Variants in FAM149B1 observed in about 807,000 individuals in gnomAD.
The protein encoded by FAM149B1 is family with sequence similarity 149 member B1, also known as primary cilium assembly protein FAM149B1.
FAM149B1 carries 56 observed loss-of-function variants against 75.3 expected under a neutral mutation model. That is an observed-to-expected ratio of 0.74 (90% confidence interval 0.60 to 0.93). The LOEUF is 0.93. FAM149B1 is among the 40% of genes least tolerant of loss of function. The pLI is 0.00. For missense variants in FAM149B1, 639 were observed against 708.4 expected, an observed-to-expected ratio of 0.90 and a Z score of 1.11; for synonymous variants, 259 against 256.1, an observed-to-expected ratio of 1.01 and a Z score of -0.11.
chr10:73,168,238 GC>G lies in FAM149B1; in HGVS notation c.-100del. The G allele has an allele frequency of 1.3e-5, 17 of 1,321,832 alleles. No individual in the cohort carries two copies. The highest frequency in any genetic ancestry group is 1.1e-4 in the South Asian group (8 of 70,668). The allele number at this position is 1,321,832 out of a possible 1,614,324, so 81.9% of individuals were successfully genotyped here. ...ACGGGGCCGGTAGGTGGCGGGAGGG[GC>G]CGGGCCGGAGCCGGCGGGAGGGCCA... On this transcript the variant is annotated 5_prime_UTR_variant, in exon 1 of 14. Transcript: ENST00000242505.
chr10:73,177,745 G>GTGTACACATATAT, intron 2 of FAM149B1, 101 bp from the exon 3 acceptor site: 3 of 1,015,900 alleles, frequency 3.0e-6, no homozygotes, highest in African/African-American at 2.2e-5. Context: ...TTGTACACAT[G>GTGTACACATATAT]TTAATCACCT....
At position 73,168,332 on chromosome 10, in the gene FAM149B1, G is replaced by C; in HGVS notation, c.-8G>C. The C allele has an allele frequency of 6.5e-7, 1 of 1,549,552 alleles. No homozygotes were observed. The highest frequency in any genetic ancestry group is 8.7e-7 in the Non-Finnish European group (1 of 1,146,742). ...CTGAGGAGGAGGAGGAGGAGGAGGA[G>C]GAGGAGGATGATCTCCAGATACACT... On this transcript the variant is annotated 5_prime_UTR_variant, in exon 1 of 14. Transcript: ENST00000242505.
intron 7 of FAM149B1, among the ~76,000 whole-genome samples, chr10:73,220,205 T>C (rs975122595): frequency 6.6e-6 from 1 of 152,094 alleles, no homozygotes; most frequent in Non-Finnish European, 1.5e-5. Context: ...TACCACCTCA[T>C]GCCCACTAGG....
At chr10:73,180,876 A>T (rs2042379170) in intron 3 of FAM149B1, among the ~76,000 whole-genome samples, 1 of 151,830 alleles carries the variant, frequency 6.6e-6, no homozygotes, top group South Asian at 2.1e-4. Flanking sequence ...TTTTGTACCC[A>T]ATAACCACCC....
chr10:73,171,109 A>T (rs186318955), intron 1 of FAM149B1, among the ~76,000 whole-genome samples: 14 of 152,216 alleles, frequency 9.2e-5, no homozygotes, highest in Admixed American at 7.9e-4. Flanking sequence ...ACAGGACTAC[A>T]TGCCCAGCTA....
intron 12 of FAM149B1, among the ~76,000 whole-genome samples, chr10:73,237,493 T>C (rs1264889325): frequency 6.6e-6 from 1 of 152,012 alleles, no homozygotes; most frequent in African/African-American, 2.4e-5. Flanking sequence ...CTCAGCTCAC[T>C]GCAGCCTCCA....
intron 3 of FAM149B1, among the ~76,000 whole-genome samples, chr10:73,180,763 A>G (rs986376146): frequency 6.6e-6 from 1 of 152,148 alleles, no homozygotes; most frequent in Non-Finnish European, 1.5e-5. Context: ...AAACAATCCA[A>G]TTACACTCTT....
At chr10:73,210,218 T>G (rs1178995500) in intron 6 of FAM149B1, 33 bp from the exon 7 acceptor site, 1 of 1,470,156 alleles carries the variant, frequency 6.8e-7, no homozygotes, top group African/African-American at 1.4e-5. Context: ...CCCTTCAGCA[T>G]CATGAAGTCT....
intron 2 of FAM149B1, among the ~76,000 whole-genome samples, chr10:73,176,525 G>A (rs1488999402): frequency 6.6e-6 from 1 of 152,226 alleles, no homozygotes; most frequent in South Asian, 2.1e-4. Flanking sequence ...GAACAGGGAA[G>A]ATGGTTCTTC....
intron 2 of FAM149B1, among the ~76,000 whole-genome samples, chr10:73,175,035 A>C (rs1354511862): frequency 6.6e-6 from 1 of 150,840 alleles, no homozygotes; most frequent in African/African-American, 2.5e-5. Context: ...CCATGGGATT[A>C]GAATGAAAAA....
chr10:73,235,207 C>T lies in FAM149B1; in HGVS notation c.1491C>T (p.Asp497=). The T allele has an allele frequency of 6.4e-7, 1 of 1,551,696 alleles. No homozygotes were observed. Among genetic ancestry groups the T allele is most frequent in the East Asian group, 2.4e-5 (1 of 40,922 alleles). The change falls in exon 12 of 14, where the codon GAC becomes GAT. Residue 497 remains aspartate (D), a synonymous_variant. Transcript: ENST00000242505. ...CTCCTCTGCAGAAACCCCATGGCGA[C>T]TCTAGTCGAGCTCAAAGTGCGGTGG... ...GPQRQMKPHG[D]SSRAQSAVVD...
intron 2 of FAM149B1, among the ~76,000 whole-genome samples, chr10:73,177,630 A>G (rs1380513103): frequency 6.6e-6 from 1 of 152,148 alleles, no homozygotes; most frequent in Non-Finnish European, 1.5e-5. Flanking sequence ...GTAAACTATG[A>G]CTAGAATTAT....
intron 10 of FAM149B1, 100 bp downstream of exon 10, chr10:73,233,263 C>T (rs2043753387): frequency 1.2e-6 from 1 of 859,368 alleles, no homozygotes; most frequent in African/African-American, 1.7e-5. Flanking sequence ...TGCCTAGAAA[C>T]TAATCATTAA....
At chr10:73,235,168 T>C in intron 11 of FAM149B1, 25 bp from the exon 12 acceptor site, 1 of 1,550,936 alleles carries the variant, frequency 6.4e-7, no homozygotes, top group Non-Finnish European at 8.7e-7. Flanking sequence ...TTTCACTGTT[T>C]CTGTAACTTT....
At chr10:73,210,154 C>A in intron 6 of FAM149B1, 97 bp from the exon 7 acceptor site, 2 of 760,502 alleles carry the variant, frequency 2.6e-6, no homozygotes, top group Non-Finnish European at 2.1e-6. Context: ...CATTTTTCCT[C>A]AAATCAAAGT....
At chr10:73,214,922 T>C (rs949327074) in intron 7 of FAM149B1, among the ~76,000 whole-genome samples, 2 of 152,074 alleles carry the variant, frequency 1.3e-5, no homozygotes, top group African/African-American at 4.8e-5. Context: ...TCCATCTGTT[T>C]GTTTGTTTGT....
intron 11 of FAM149B1, 37 bp downstream of exon 11, chr10:73,234,977 C>T: frequency 6.5e-7 from 1 of 1,548,010 alleles, no homozygotes; most frequent in African/African-American, 1.4e-5. Context: ...ATGTACTTAC[C>T]ATACAACCTA....
chr10:73,179,122 G>T (rs1246049641), intron 3 of FAM149B1, among the ~76,000 whole-genome samples: 1 of 151,800 alleles, frequency 6.6e-6, no homozygotes, highest in African/African-American at 2.4e-5. Flanking sequence ...GCACCACCAT[G>T]GCCAGCTAAT....
rs918673399 is a variant in FAM149B1 at position 73,208,547 on chromosome 10, C to G, written c.543-72C>G. The G allele has an allele frequency of 2.3e-5, 26 of 1,141,178 alleles. No individual in the cohort carries two copies. In the African/African-American group the frequency reaches 3.9e-4, roughly 17 times the overall value. The allele number at this position is 1,141,178 out of a possible 1,614,324, so 70.7% of individuals were successfully genotyped here. A position where few individuals can be genotyped will look rare whatever the true frequency, so the allele number is the denominator to read the frequency against. On this transcript the variant is annotated intron_variant, in intron 5 of 13. Transcript: ENST00000242505. ...GGCAAGGGGAGTTTGAGCCAAAACT[C>G]ATGTAACTGTGTTGCCATAAGAACT...
Sources: gnomAD v4.1 joint callset for allele counts (sites outside exome capture counted in the v4.1 genomes callset) on GRCh38, gnomAD v4.1.1 for gene constraint, MANE v1.5 for transcripts, NCBI Gene and HGNC (gene_info 2026-07-23, HGNC 2026-07-21) for gene names.